SP100: variants seen among roughly 807,000 people sequenced by gnomAD.
SP100 encodes the protein SP100 nuclear body protein, also known as nuclear autoantigen Sp-100.
In SP100, 84 loss-of-function variants were observed where a neutral mutation model predicts 130.0. The observed-to-expected ratio is 0.65, with a 90% CI of 0.54 to 0.77. The LOEUF (loss-of-function observed/expected upper bound fraction) is 0.77, where lower values mean the gene tolerates loss of function less well. SP100 is among the 30% of genes least tolerant of loss of function. SP100 has a pLI of 0.00. For synonymous variants in SP100, 331 were observed against 351.7 expected, an observed-to-expected ratio of 0.94 and a Z score of 0.66; for missense variants, 978 against 1,052.2, an observed-to-expected ratio of 0.93 and a Z score of 0.97.
At position 230,444,413 on chromosome 2, in the gene SP100, C is replaced by A; in HGVS notation, c.439+67C>A. ...GTTTTTTCAATAAGTATATACTGATCTCCTACCATGAGTGACATGTTGTGT... is the reference window on the plus strand; with the variant it reads ...GTTTTTTCAATAAGTATATACTGATATCCTACCATGAGTGACATGTTGTGT... On this transcript the variant is annotated intron_variant, in intron 4 of 28. Coordinates refer to ENST00000340126, the MANE Select transcript of SP100 (RefSeq NM_001080391.2). 7 of 1,274,072 alleles carry A rather than the reference C, an allele frequency of 5.5e-6. No homozygotes were observed. The South Asian group carries it at 8.9e-5, about 16-fold the overall frequency. The allele number at this position is 1,274,072 out of a possible 1,614,324, so 78.9% of individuals were successfully genotyped here.
rs182646451 is a variant in SP100 at position 230,473,404 on chromosome 2, G to A, written c.1510G>A (p.Ala504Thr). The A allele has an allele frequency of 3.7e-6, 6 of 1,613,744 alleles. No individual in the cohort carries two copies. The East Asian group carries it at 1.1e-4, about 30-fold the overall frequency. The change falls in exon 16 of 29, where the codon GCA (alanine) becomes ACA (threonine). Residue 504 changes from alanine (A) to threonine (T), a missense_variant. By Grantham distance (58) the Ala-to-Thr change is moderately conservative. Transcript: ENST00000340126. ...FPKGVPRSQE[A>T]RTESSQASDM... Reference sequence around the variant, plus strand: ...AAAAGGTGTGCCAAGAAGCCAAGAAGCAAGGACTGAAAGTAGTCAAGCATC... The same window carrying A: ...AAAAGGTGTGCCAAGAAGCCAAGAAACAAGGACTGAAAGTAGTCAAGCATC...
At chr2:230,513,602 A>G (rs1222549693) in intron 24 of SP100, among the ~76,000 whole-genome samples, 4 of 152,086 alleles carry the variant, frequency 2.6e-5, no homozygotes, top group African/African-American at 9.7e-5. Context: ...TTCCTTGTCA[A>G]TGGGAAGGCT....
intron 18 of SP100, among the ~76,000 whole-genome samples, chr2:230,494,730 G>A (rs2066571183): frequency 4.6e-5 from 7 of 152,130 alleles, no homozygotes; most frequent in Admixed American, 4.6e-4. Flanking sequence ...GGGCTGAGCT[G>A]GTTGACATTG....
intron 24 of SP100, chr2:230,515,001 T>C: frequency 1.3e-6 from 2 of 1,565,248 alleles, no homozygotes; most frequent in Non-Finnish European, 8.6e-7. Flanking sequence ...CTCTGTACCT[T>C]GCTGAGGAAA....
intron 18 of SP100, among the ~76,000 whole-genome samples, chr2:230,498,181 A>G (rs2066803827): frequency 6.6e-6 from 1 of 152,198 alleles, no homozygotes; most frequent in Non-Finnish European, 1.5e-5. Context: ...TTCTTACAGT[A>G]TTCTTTGGGA....
At chr2:230,541,037 C>A in intron 26 of SP100, 41 bp downstream of exon 26, 2 of 1,584,360 alleles carry the variant, frequency 1.3e-6, no homozygotes, top group South Asian at 2.3e-5. Context: ...CCTTTCTGTT[C>A]ACCTGGGCAG....
chr2:230,531,150 C>A (rs1416510892), intron 24 of SP100, among the ~76,000 whole-genome samples: 1 of 152,136 alleles, frequency 6.6e-6, no homozygotes, highest in Non-Finnish European at 1.5e-5. Flanking sequence ...TTCACAATAG[C>A]AAAGACTTGG....
At chr2:230,459,801 C>T (rs188980534) in intron 8 of SP100, among the ~76,000 whole-genome samples, 1 of 152,330 alleles carries the variant, frequency 6.6e-6, no homozygotes, top group Admixed American at 6.5e-5. Flanking sequence ...TCTTGCTCCT[C>T]TCAAGTCTGC....
intron 17 of SP100, among the ~76,000 whole-genome samples, chr2:230,482,090 C>A (rs79423018): frequency 0.083 from 12,657 of 152,106 alleles, 596 homozygotes; most frequent in Middle Eastern, 0.2. Flanking sequence ...CACCTTTTGA[C>A]CTGTCTTTTC....
At chr2:230,417,482 G>T in intron 1 of SP100, 109 bp from the exon 2 acceptor site, 7 of 1,365,552 alleles carry the variant, frequency 5.1e-6, no homozygotes, top group South Asian at 1.6e-5. Context: ...ATTTCTTTTT[G>T]GGTTTTTACA....
intron 8 of SP100, among the ~76,000 whole-genome samples, chr2:230,459,015 G>A (rs1323573143): frequency 6.6e-6 from 1 of 152,158 alleles, no homozygotes; most frequent in African/African-American, 2.4e-5. Context: ...ACCTCACTTG[G>A]CATGTGAGAC....
intron 1 of SP100, 134 bp from the exon 2 acceptor site, chr2:230,417,457 T>C (rs2062633990): frequency 8.7e-7 from 1 of 1,146,098 alleles, no homozygotes; most frequent in African/African-American, 1.6e-5. Context: ...TAAGCTATCA[T>C]AACAATGATT....
intron 8 of SP100, among the ~76,000 whole-genome samples, chr2:230,459,050 C>A (rs1448638420): frequency 6.6e-6 from 1 of 152,010 alleles, no homozygotes. Context: ...TTTCAAGGCA[C>A]CCCATAGCAC....
intron 24 of SP100, among the ~76,000 whole-genome samples, chr2:230,527,690 A>G (rs1691495261): frequency 6.6e-6 from 1 of 152,238 alleles, no homozygotes. Flanking sequence ...ACTCACATGC[A>G]AAGACACACA....
At chr2:230,436,843 A>AATATGTATATGTGAACAC (rs1296210757) in intron 2 of SP100, among the ~76,000 whole-genome samples, 1 of 94,106 alleles carries the variant, frequency 1.1e-5, no homozygotes, top group African/African-American at 4.2e-5. Flanking sequence ...AAGCTTCTAA[A>AATATGTATATGTGAACAC]ATATGTATAT....
rs1480750134 is a variant in SP100, at chr2:230,508,005, C to T, written c.2026C>T (p.Pro676Ser). 6.2e-7 allele frequency: 1 copy of T among 1,612,804 alleles called. No individual in the cohort carries two copies. ...LKVLMENKFL[P>S]EPPSTRKKRI... ...TTTTCTTTTTTAGAACAAATTTCTG[C>T]CAGAACCACCAAGCACAAGAAAAAA... Residue 676 changes from proline (P) to serine (S), a missense_variant, in exon 23 of 29, where the codon CCA becomes TCA. Coordinates refer to ENST00000340126, the MANE Select transcript of SP100 (RefSeq NM_001080391.2).
At chr2:230,426,828 A>T (rs1402844604) in intron 2 of SP100, among the ~76,000 whole-genome samples, 1 of 152,160 alleles carries the variant, frequency 6.6e-6, no homozygotes, top group East Asian at 1.9e-4. Context: ...TTGATCTATG[A>T]TTATTGACAG....
At chr2:230,431,137 G>C (rs1354660566) in intron 2 of SP100, among the ~76,000 whole-genome samples, 1 of 152,240 alleles carries the variant, frequency 6.6e-6, no homozygotes, top group Non-Finnish European at 1.5e-5. Context: ...ATAGGGTGCT[G>C]ATGTCAGGAG....
At chr2:230,535,514 G>A (rs1691896431) in intron 24 of SP100, among the ~76,000 whole-genome samples, 2 of 152,086 alleles carry the variant, frequency 1.3e-5, no homozygotes, top group South Asian at 4.1e-4. Context: ...AACTAAGTTT[G>A]AGGCATATTT....
Sources: gnomAD v4.1 joint callset for allele counts (sites outside exome capture counted in the v4.1 genomes callset) on GRCh38, gnomAD v4.1.1 for gene constraint, MANE v1.5 for transcripts, NCBI Gene and HGNC (gene_info 2026-07-23, HGNC 2026-07-21) for gene names.